UBN1: variants seen among roughly 807,000 people sequenced by gnomAD.
UBN1 encodes the protein ubinuclein-1.
Under a neutral mutation model 108.5 loss-of-function variants are expected in UBN1, and 17 were observed. The observed-to-expected ratio is 0.16, with a 90% CI of 0.11 to 0.24. The LOEUF (loss-of-function observed/expected upper bound fraction) is 0.24, where lower values mean the gene tolerates loss of function less well. Ranked by LOEUF, UBN1 falls within the 10% of genes least tolerant of loss-of-function variation. The pLI is 1.00. For missense variants in UBN1, 1,595 were observed against 1,394.4 expected (o/e 1.14, Z -2.29); for synonymous variants, 726 against 564.2 (o/e 1.29, Z -4.07).
Position 4,847,550 on chromosome 16 carries a change from G to C in UBN1, c.-700G>C, listed in dbSNP as rs564479150. 100 of 439,996 alleles carry C rather than the reference G, an allele frequency of 2.3e-4. No individual in the cohort carries two copies. The East Asian group carries it at 2.5e-3, about 11-fold the overall frequency. The allele number at this position is 439,996 out of a possible 1,614,324, so 27.3% of individuals were successfully genotyped here. ...GGTCTGAGGCGGCGGCGGCGGCGAC[G>C]GTGCGACCGGCTGAGCGCGAGAGGG... On this transcript the variant is annotated 5_prime_UTR_variant, in exon 1 of 18. Coordinates refer to ENST00000262376, the MANE Select transcript of UBN1 (RefSeq NM_001079514.3).
At chr16:4,849,912 C>G (rs952981384) in intron 1 of UBN1, among the ~76,000 whole-genome samples, 25 of 127,254 alleles carry the variant, frequency 2.0e-4, no homozygotes, top group African/African-American at 7.7e-4. Flanking sequence ...TGCCACTGCA[C>G]TCCAGCCTGG....
intron 1 of UBN1, 44 bp downstream of exon 1, chr16:4,848,254 C>T (rs1312791863): frequency 1.3e-5 from 2 of 152,262 alleles, no homozygotes; most frequent in East Asian, 1.9e-4. Context: ...TAGCCTTGCC[C>T]TAGTTTTGCA....
Position 4,852,775 on chromosome 16 carries a change from T to A in UBN1, c.-39-104T>A. The stretch of plus-strand genomic sequence containing the variant: ...TAAATGACAAAATATAACAATGGAG[T>A]TTTCTTGACAATGAAATTCTCTTAA... On this transcript the variant is annotated intron_variant, in intron 1 of 17. Transcript: ENST00000262376. The A allele has an allele frequency of 6.7e-6, 8 of 1,195,714 alleles. No homozygotes were observed. The South Asian group carries it at 6.8e-5, about 10-fold the overall frequency. The allele number at this position is 1,195,714 out of a possible 1,614,324, so 74.1% of individuals were successfully genotyped here.
intron 5 of UBN1, 151 bp downstream of exon 5, chr16:4,859,310 C>T (rs536329586): frequency 1.8e-4 from 201 of 1,105,170 alleles, no homozygotes; most frequent in Non-Finnish European, 2.5e-4. Context: ...TCGCCTCTTA[C>T]ACGTGTGCCC....
chr16:4,867,260 C>T (rs1218907283), intron 7 of UBN1, among the ~76,000 whole-genome samples: 1 of 152,194 alleles, frequency 6.6e-6, no homozygotes, highest in East Asian at 1.9e-4. Context: ...GTTGAGTTTG[C>T]AAACCAGAGG....
chr16:4,855,888 C>T (rs933567537), intron 2 of UBN1, among the ~76,000 whole-genome samples: 1 of 152,128 alleles, frequency 6.6e-6, no homozygotes, highest in Non-Finnish European at 1.5e-5. Context: ...CACTGTACTC[C>T]AGCCTGGGTG....
chr16:4,866,727 G>A (rs1169942359), intron 7 of UBN1, among the ~76,000 whole-genome samples: 1 of 152,156 alleles, frequency 6.6e-6, no homozygotes, highest in Non-Finnish European at 1.5e-5. Context: ...GCCCAAGCTG[G>A]TCTGAAACTC....
At position 4,860,761 on chromosome 16, in the gene UBN1, G is replaced by C. The variant is rs764928607; in HGVS notation, c.769G>C (p.Glu257Gln). 36 of 1,614,138 alleles carry C rather than the reference G, an allele frequency of 2.2e-5. No individual in the cohort carries two copies. The highest frequency in any genetic ancestry group is 3.0e-5 in the Non-Finnish European group (35 of 1,180,050). ...EMLKKFQKEKEAQKKREEEHK... is the reference protein window; with the variant it reads ...EMLKKFQKEKQAQKKREEEHK... ...GCTAAAGAAATTTCAGAAAGAGAAA[G>C]AGGCTCAGAAAAAAAGGGAGGAGGA... The change falls in exon 7 of 18, where the codon GAG (glutamate) becomes CAG (glutamine). Residue 257 changes from glutamate to glutamine, a missense_variant. Physicochemically the swap from Glu to Gln is conservative, Grantham distance 29. Coordinates refer to ENST00000262376, the MANE Select transcript of UBN1 (RefSeq NM_001079514.3).
At position 4,874,534 on chromosome 16, in the gene UBN1, C is replaced by G; in HGVS notation, c.2124C>G (p.Gly708=). 1 of 1,614,190 alleles carries G rather than the reference C, an allele frequency of 6.2e-7. No individual in the cohort carries two copies. Among genetic ancestry groups the G allele is most frequent in the Non-Finnish European group, 8.5e-7 (1 of 1,180,034 alleles). Reference sequence around the variant, plus strand: ...AAGCACCTGCAGAAAAAGTTGGAGGCGTTTTATGTACAGAAGAAAAAAGGA... The same window carrying G: ...AAGCACCTGCAGAAAAAGTTGGAGGGGTTTTATGTACAGAAGAAAAAAGGA... ...PSKAPAEKVG[G]VLCTEEKRNF... is the part of the protein sequence containing the mutation. Residue 708 remains glycine (G), a synonymous_variant, in exon 15 of 18, where the codon GGC becomes GGG. Coordinates refer to ENST00000262376, the MANE Select transcript of UBN1 (RefSeq NM_001079514.3).
intron 5 of UBN1, 109 bp from the exon 6 acceptor site, chr16:4,859,756 T>C (rs1379590113): frequency 1.3e-6 from 2 of 1,511,558 alleles, no homozygotes; most frequent in Non-Finnish European, 1.8e-6. Context: ...ATGAAGGAAA[T>C]GAGACAGGTC....
In UBN1 at chr16:4,874,152, C is replaced by G. The variant is rs1230075759; in HGVS notation, c.1801-59C>G. On this transcript the variant is annotated intron_variant, in intron 14 of 17. Transcript: ENST00000262376. ...AGTTCACATGTTTGTATCCTCACAA[C>G]AGGCCAATGTTGGCATCTTTGGACC... 6 of 1,499,200 alleles carry G rather than the reference C, an allele frequency of 4.0e-6. No homozygotes were observed. The African/African-American group carries it at 7.0e-5, about 17-fold the overall frequency. 92.9% of individuals were successfully genotyped at this position (1,499,200 alleles called of 1,614,324 possible). A position where few individuals can be genotyped will look rare whatever the true frequency, so the allele number is the denominator to read the frequency against.
intron 7 of UBN1, among the ~76,000 whole-genome samples, chr16:4,866,764 G>C (rs1347215261): frequency 6.6e-6 from 1 of 152,152 alleles, no homozygotes; most frequent in Non-Finnish European, 1.5e-5. Flanking sequence ...CGCCCACCTT[G>C]GCCTCCCAAT....
At chr16:4,866,350 C>T (rs1380611802) in intron 7 of UBN1, among the ~76,000 whole-genome samples, 1 of 152,090 alleles carries the variant, frequency 6.6e-6, no homozygotes, top group African/African-American at 2.4e-5. Context: ...TTTCTTCTGA[C>T]TTAGTTTTGG....
In UBN1 at chr16:4,860,903, C is replaced by T. The variant is rs780671438; in HGVS notation, c.911C>T (p.Ala304Val). The change falls in exon 7 of 18, where the codon GCG becomes GTG. Residue 304 changes from alanine (A) to valine (V), a missense_variant. By Grantham distance (64) the Ala-to-Val change is moderately conservative. Coordinates refer to ENST00000262376, the MANE Select transcript of UBN1 (RefSeq NM_001079514.3). ...ACTTCTGACAACGACTTGCTCCAGG[C>T]GGCCACTGCCATGGACTCGCTGACG... is the stretch of plus-strand genomic sequence containing the variant. ...GSTSDNDLLQ[A>V]ATAMDSLTDL... The T allele has an allele frequency of 1.4e-5, 22 of 1,614,246 alleles. No individual in the cohort carries two copies. The South Asian group carries it at 1.5e-4, about 11-fold the overall frequency.
rs756873906 is a variant in UBN1 at position 4,860,660 on chromosome 16, G to C, written c.672-4G>C. ...TGAGTGACCAGTTTCCCTCTTGCTTGCAGCTTCACAGCCCTCAATGCCAGT... is the reference window on the plus strand; with the variant it reads ...TGAGTGACCAGTTTCCCTCTTGCTTCCAGCTTCACAGCCCTCAATGCCAGT... On this transcript the variant is annotated splice_polypyrimidine_tract_variant and splice_region_variant and intron_variant, in intron 6 of 17. Coordinates refer to ENST00000262376, the MANE Select transcript of UBN1 (RefSeq NM_001079514.3). The C allele has an allele frequency of 4.4e-6, 7 of 1,606,486 alleles. No homozygotes were observed. In the East Asian group the frequency reaches 1.6e-4, roughly 36 times the overall value.
chr16:4,876,849 G>T (rs538716682), intron 15 of UBN1, 22 bp from the exon 16 acceptor site: 3 of 1,560,844 alleles, frequency 1.9e-6, no homozygotes, highest in Admixed American at 3.8e-5. Context: ...AGTTCTTACC[G>T]CTTGCTGTGT....
Position 4,870,539 on chromosome 16 carries a change from C to G in UBN1, c.1335C>G (p.Leu445=). The change falls in exon 10 of 18, where the codon CTC becomes CTG. Residue 445 remains leucine (L), a synonymous_variant. Transcript: ENST00000262376. ...YEQGGRLKEP[L]QKLKEAIGRA... Reference sequence around the variant, plus strand: ...AGGGGGGCCGTCTGAAGGAGCCTCTCCAGAAGCTCAAGGAAGCCATTGGCA... The same window carrying G: ...AGGGGGGCCGTCTGAAGGAGCCTCTGCAGAAGCTCAAGGAAGCCATTGGCA... 6.2e-7 allele frequency: 1 copy of G among 1,614,236 alleles called. No individual in the cohort carries two copies. The highest frequency in any genetic ancestry group is 8.5e-7 in the Non-Finnish European group (1 of 1,180,040).
chr16:4,871,808 A>T (rs752652719), intron 12 of UBN1, among the ~76,000 whole-genome samples: 14 of 152,040 alleles, frequency 9.2e-5, no homozygotes, highest in Middle Eastern at 3.4e-3. Context: ...GGATGGTCTC[A>T]ATCTCCTGAC....
intron 15 of UBN1, among the ~76,000 whole-genome samples, chr16:4,875,744 C>CA (rs2087851477): frequency 6.6e-6 from 1 of 152,134 alleles, no homozygotes; most frequent in Non-Finnish European, 1.5e-5. Context: ...CCTTGCCTTC[C>CA]GTGACCCCTT....
Sources: gnomAD v4.1 joint callset for allele counts (sites outside exome capture counted in the v4.1 genomes callset) on GRCh38, gnomAD v4.1.1 for gene constraint, MANE v1.5 for transcripts, NCBI Gene and HGNC (gene_info 2026-07-23, HGNC 2026-07-21) for gene names.